The following KCNMA1 variants were observed in gnomAD, a reference collection of about 807,000 sequenced individuals.
KCNMA1 encodes the protein potassium calcium-activated channel subfamily M alpha 1.
KCNMA1 carries 29 observed loss-of-function variants against 140.0 expected under a neutral mutation model. That is an observed-to-expected ratio of 0.21 (90% CI 0.15 to 0.28). The LOEUF is 0.28. Ranked by LOEUF, KCNMA1 falls within the 10% of genes least tolerant of loss-of-function variation. KCNMA1 has a pLI of 1.00. For missense variants in KCNMA1, 880 were observed against 1,602.2 expected (o/e 0.55, Z 7.70); for synonymous variants, 612 against 611.9 (o/e 1.00, Z 0.00).
intron 23 of KCNMA1, among the ~76,000 whole-genome samples, chr10:76,936,671 C>T (rs545690406): frequency 1.3e-5 from 2 of 152,166 alleles, no homozygotes; most frequent in African/African-American, 2.4e-5. Flanking sequence ...TGTATAGGTG[C>T]GTCTGCAAGA....
intron 1 of KCNMA1, among the ~76,000 whole-genome samples, chr10:77,450,695 G>A (rs915161243): frequency 6.6e-6 from 1 of 152,120 alleles, no homozygotes; most frequent in Non-Finnish European, 1.5e-5. Context: ...TCCAGCCTCA[G>A]ACCCACCCAA....
At chr10:77,193,149 C>G (rs1398651367) in intron 3 of KCNMA1, among the ~76,000 whole-genome samples, 1 of 151,988 alleles carries the variant, frequency 6.6e-6, no homozygotes, top group Non-Finnish European at 1.5e-5. Flanking sequence ...TTGTAAATAT[C>G]TCTTGTAAGT....
downstream of KCNMA1, chr10:76,875,578 G>A (rs1589328036): frequency 6.6e-6 from 1 of 152,134 alleles, no homozygotes; most frequent in South Asian, 2.1e-4. Context: ...CCCTCTAATG[G>A]AAGATCCTTT....
intron 2 of KCNMA1, among the ~76,000 whole-genome samples, chr10:77,378,753 A>G (rs75596448): frequency 5.8e-4 from 89 of 152,368 alleles, no homozygotes; most frequent in African/African-American, 2.1e-3. Context: ...AGCATAAAGC[A>G]CTGTATGCAA....
intron 2 of KCNMA1, among the ~76,000 whole-genome samples, chr10:77,284,460 G>A (rs967593487): frequency 2.0e-5 from 3 of 151,988 alleles, no homozygotes; most frequent in African/African-American, 7.3e-5. Flanking sequence ...TCTTTGACAG[G>A]CTTGCCCTGG....
At chr10:76,968,244 G>A (rs757717051) in intron 20 of KCNMA1, among the ~76,000 whole-genome samples, 1 of 152,048 alleles carries the variant, frequency 6.6e-6, no homozygotes, top group Non-Finnish European at 1.5e-5. Flanking sequence ...TTTTGCTGAA[G>A]GCTACGACTT....
rs577523656 is a variant in KCNMA1, at chr10:76,991,246, A to C, written c.2266+10161T>G. 4.9e-4 allele frequency among the ~76,000 whole-genome samples: 74 copies of C among 152,312 alleles called. 1 individual carries two copies. The highest frequency in any genetic ancestry group is 1.8e-3 in the African/African-American group (73 of 41,556). On this transcript the variant is annotated intron_variant, in intron 19 of 27. Transcript: ENST00000286628. ...ATTAATAAAACTGAATGTGAATGTC[A>C]CAAGTCCTTGATTTTCCAGAGCAAA...
At chr10:77,552,622 A>G (rs1191141886) in intron 1 of KCNMA1, among the ~76,000 whole-genome samples, 1 of 152,176 alleles carries the variant, frequency 6.6e-6, no homozygotes, top group Non-Finnish European at 1.5e-5. Flanking sequence ...GGGACTTAAT[A>G]CCACAGAGGG....
chr10:77,408,472 G>A (rs556230515), intron 1 of KCNMA1, among the ~76,000 whole-genome samples: 3 of 151,908 alleles, frequency 2.0e-5, no homozygotes, highest in African/African-American at 2.4e-5. Flanking sequence ...TTGTGTGCAC[G>A]TGTGAGTGTG....
At chr10:76,944,368 C>G (rs1290001856) in intron 23 of KCNMA1, among the ~76,000 whole-genome samples, 2 of 152,206 alleles carry the variant, frequency 1.3e-5, no homozygotes, top group Non-Finnish European at 2.9e-5. Flanking sequence ...GCGGCTCTAA[C>G]AATAGCAAAG....
intron 20 of KCNMA1, among the ~76,000 whole-genome samples, chr10:76,957,888 G>A (rs970543805): frequency 1.3e-5 from 2 of 152,208 alleles, no homozygotes; most frequent in Non-Finnish European, 2.9e-5. Context: ...CAACAATAGA[G>A]TCTGTAACTG....
In KCNMA1 at chr10:77,561,560, G is replaced by C. The variant is rs2066402446; in HGVS notation, c.378+75705C>G. ...TGGTTATGATTCCTTCCACTTTCTG[G>C]CGCAGAAGCAGAGACTCGGGAAAGT... On this transcript the variant is annotated intron_variant, in intron 1 of 27. Transcript: ENST00000286628. Among the ~76,000 whole-genome samples, 4 of 152,270 alleles carry C rather than the reference G, an allele frequency of 2.6e-5. No individual in the cohort carries two copies. In the South Asian group the frequency reaches 6.2e-4, roughly 24 times the overall value.
At chr10:76,892,368 C>T (rs1431910040) in intron 25 of KCNMA1, among the ~76,000 whole-genome samples, 2 of 152,040 alleles carry the variant, frequency 1.3e-5, no homozygotes, top group Non-Finnish European at 2.9e-5. Flanking sequence ...AAGAAGTTTC[C>T]CTCTAAGTGT....
chr10:76,973,517 C>A (rs1240663613), intron 19 of KCNMA1, among the ~76,000 whole-genome samples: 1 of 152,190 alleles, frequency 6.6e-6, no homozygotes, highest in African/African-American at 2.4e-5. Flanking sequence ...GATGTTTTAA[C>A]ATGTTTGCTT....
intron 1 of KCNMA1, among the ~76,000 whole-genome samples, chr10:77,623,702 CAA>C (rs111575059): frequency 4.0e-5 from 5 of 124,066 alleles, no homozygotes; most frequent in Admixed American, 8.3e-5. Context: ...GACTCCGTCT[CAA>C]AAAAAAAAAA....
intron 14 of KCNMA1, among the ~76,000 whole-genome samples, chr10:77,057,271 A>G (rs1195486191): frequency 6.6e-6 from 1 of 152,192 alleles, no homozygotes; most frequent in African/African-American, 2.4e-5. Flanking sequence ...AAAGTAGAAC[A>G]ACACTTTTAA....
At chr10:77,065,354 A>C (rs2095891795) in intron 14 of KCNMA1, among the ~76,000 whole-genome samples, 4 of 152,152 alleles carry the variant, frequency 2.6e-5, no homozygotes, top group African/African-American at 9.7e-5. Context: ...TTTTTTCCAC[A>C]TGGAAACTTC....
At chr10:77,424,482 C>A (rs1216357431) in intron 1 of KCNMA1, among the ~76,000 whole-genome samples, 3 of 150,752 alleles carry the variant, frequency 2.0e-5, no homozygotes, top group Non-Finnish European at 2.9e-5. Flanking sequence ...TAGTGGAAGC[C>A]TGGGGCTAGG....
At chr10:77,560,136 T>A (rs2065894118) in intron 1 of KCNMA1, among the ~76,000 whole-genome samples, 1 of 152,032 alleles carries the variant, frequency 6.6e-6, no homozygotes, top group South Asian at 2.1e-4. Flanking sequence ...TGAGCCAAGA[T>A]CGCGCTACTG....
Sources: allele counts gnomAD v4.1 joint callset (sites outside exome capture counted in the v4.1 genomes callset), GRCh38; gene constraint gnomAD v4.1.1; transcripts MANE v1.5; gene names NCBI Gene and HGNC (gene_info 2026-07-23, HGNC 2026-07-21).